The following COL6A2 variants were observed in gnomAD, a reference collection of about 807,000 sequenced individuals.
The protein encoded by COL6A2 is collagen alpha-2(VI) chain.
A neutral mutation model predicts 124.9 loss-of-function variants in COL6A2; 90 were observed. That is an observed-to-expected ratio of 0.72 (90% confidence interval 0.61 to 0.86). The LOEUF is 0.86. Ranked by LOEUF, COL6A2 falls within the 40% of genes least tolerant of loss-of-function variation. The pLI, the probability that COL6A2 is intolerant of heterozygous loss-of-function variation, is 0.00. For synonymous variants in COL6A2, 793 were observed against 618.2 expected, an observed-to-expected ratio of 1.28 and a Z score of -4.19; for missense variants, 1,607 against 1,502.5, an observed-to-expected ratio of 1.07 and a Z score of -1.15.
chr21:46,100,090 GT>G (rs2123587987), intron 1 of COL6A2, among the ~76,000 whole-genome samples: 1 of 151,456 alleles, frequency 6.6e-6, no homozygotes, highest in African/African-American at 2.4e-5. Context: ...GGTTTTTTTG[GT>G]TTTTTGTTTG....
chr21:46,122,654 C>T, intron 20 of COL6A2, 123 bp downstream of exon 20: 2 of 1,186,100 alleles, frequency 1.7e-6, no homozygotes, highest in Non-Finnish European at 2.5e-6. Flanking sequence ...TCCTGGCTCC[C>T]CAAGGCCCAG....
chr21:46,122,055 C>G, intron 18 of COL6A2, 53 bp from the exon 19 acceptor site: 1 of 1,593,208 alleles, frequency 6.3e-7, no homozygotes, highest in East Asian at 2.2e-5. Flanking sequence ...GCACAGCCCC[C>G]CAGCCCCACC....
chr21:46,122,931 A>G lies in COL6A2; in HGVS notation c.1665A>G (p.Gly555=). The G allele has an allele frequency of 6.2e-7, 1 of 1,613,170 alleles. No homozygotes were observed. The highest frequency in any genetic ancestry group is 8.5e-7 in the Non-Finnish European group (1 of 1,179,894). ...KGEPGRKGEK[G]EPADPGPPGE... ...AACCTGGGAGGAAAGGAGAGAAAGG[A>G]GAGCCTGTGAGTGTCACCGTCCCGA... The change falls in exon 21 of 28, where the codon GGA becomes GGG. Residue 555 remains glycine (G), a synonymous_variant. Transcript: ENST00000300527.
chr21:46,110,772 C>T lies in COL6A2; in HGVS notation c.-27-678C>T, dbSNP rs36192195. On this transcript the variant is annotated intron_variant, in intron 1 of 27. Transcript: ENST00000300527. ...CTGCTGCCAGCCCCACTCTGCGGAG[C>T]CAGCAGCACAGTGAGGCCCGTCCTG... is the stretch of plus-strand genomic sequence containing the variant. Among the ~76,000 whole-genome samples the T allele has an allele frequency of 5.2e-3, 240 of 46,108 alleles. 1 individual carries two copies. Among genetic ancestry groups the T allele is most frequent in the African/African-American group, 0.011 (207 of 19,022 alleles). 30.2% of individuals were successfully genotyped at this position (46,108 alleles called of 152,430 possible). A position where few individuals can be genotyped will look rare whatever the true frequency, so the allele number is the denominator to read the frequency against.
intron 27 of COL6A2, among the ~76,000 whole-genome samples, chr21:46,128,661 A>G (rs1352640846): frequency 1.3e-5 from 2 of 152,266 alleles, no homozygotes; most frequent in African/African-American, 2.4e-5. Context: ...AGAGCTGCAT[A>G]GGGGCCACAG....
intron 20 of COL6A2, 140 bp downstream of exon 20, chr21:46,122,671 C>A: frequency 3.7e-6 from 4 of 1,074,004 alleles, no homozygotes; most frequent in Non-Finnish European, 5.6e-6. Flanking sequence ...CCAGCCATGT[C>A]ACCTATGCTG....
At chr21:46,103,549 G>A (rs1162739462) in intron 1 of COL6A2, among the ~76,000 whole-genome samples, 1 of 152,096 alleles carries the variant, frequency 6.6e-6, no homozygotes, top group Admixed American at 6.6e-5. Context: ...ATAGCCATCA[G>A]TTTCCCCCTT....
intron 27 of COL6A2, chr21:46,129,202 C>T (rs371996535): frequency 1.7e-5 from 27 of 1,612,770 alleles, no homozygotes; most frequent in Middle Eastern, 1.6e-4. Flanking sequence ...GCAGATGCAC[C>T]GTGGCCTGGC....
intron 1 of COL6A2, among the ~76,000 whole-genome samples, chr21:46,100,083 T>G (rs2078273029): frequency 6.6e-6 from 1 of 151,662 alleles, no homozygotes; most frequent in African/African-American, 2.4e-5. Context: ...CTTTTTGGGT[T>G]TTTTTGGTTT....
chr21:46,122,422 A>G, intron 19 of COL6A2, 74 bp from the exon 20 acceptor site: 1 of 1,591,604 alleles, frequency 6.3e-7, no homozygotes, highest in Non-Finnish European at 8.6e-7. Context: ...ACGGGGCTGC[A>G]GAAAGCTGCC....
chr21:46,132,811 C>CTG lies in COL6A2; in HGVS notation c.*260_*261dup. ...TCCTGACCTACCTGGCCCCTGAGCTCTGGAGCAAGCCCTGACCCAATAAAG... is the reference window on the plus strand; with the variant it reads ...TCCTGACCTACCTGGCCCCTGAGCTCTGTGGAGCAAGCCCTGACCCAATAAAG... On this transcript the variant is annotated 3_prime_UTR_variant, in exon 28 of 28. Coordinates refer to ENST00000300527, the MANE Select transcript of COL6A2 (RefSeq NM_001849.4). 1.8e-6 allele frequency: 1 copy of CTG among 570,036 alleles called. No individual in the cohort carries two copies. Among genetic ancestry groups the CTG allele is most frequent in the Non-Finnish European group, 3.2e-6 (1 of 317,148 alleles). 35.3% of individuals were successfully genotyped at this position (570,036 alleles called of 1,614,324 possible).
chr21:46,125,593 G>A lies in COL6A2; in HGVS notation c.1945G>A (p.Ala649Thr), dbSNP rs142002945. The stretch of plus-strand genomic sequence containing the variant: ...CGTGGTCAACAGGCTGGGTGCCATC[G>A]CTAAGGACCCCAAGTCCGAGACAGG... Reference protein sequence around the residue: ...INVVNRLGAIAKDPKSETGTR... With the variant: ...INVVNRLGAITKDPKSETGTR... Residue 649 changes from alanine (A) to threonine (T), a missense_variant, in exon 25 of 28, where the codon GCT becomes ACT. Coordinates refer to ENST00000300527, the MANE Select transcript of COL6A2 (RefSeq NM_001849.4). 551 of 1,612,730 alleles carry A rather than the reference G, an allele frequency of 3.4e-4. 1 individual carries two copies. The South Asian group carries it at 5.1e-3, about 15-fold the overall frequency.
intron 1 of COL6A2, among the ~76,000 whole-genome samples, chr21:46,108,124 T>TA (rs990679130): frequency 6.6e-6 from 1 of 151,754 alleles, no homozygotes; most frequent in African/African-American, 2.4e-5. Flanking sequence ...TTCTCTTTTT[T>TA]AAAAAAACTT....
Position 46,125,858 on chromosome 21 carries a change from C to G in COL6A2, c.2043C>G (p.Ile681Met), listed in dbSNP as rs373514837. Residue 681 changes from isoleucine (I) to methionine (M), a missense_variant, in exon 26 of 28, where the codon ATC (isoleucine) becomes ATG (methionine). Around this residue, in one of 3 missense-constraint regions of COL6A2, gnomAD observed 1,223 missense variants for 1,052.2 expected, o/e 1.16. Coordinates refer to ENST00000300527, the MANE Select transcript of COL6A2 (RefSeq NM_001849.4). ...CCATCCAGCTGGACGACGAACGTAT[C>G]GACTCCCTGTCGAGCTTCAAGGAGG... Reference protein sequence around the residue: ...FEAIQLDDERIDSLSSFKEAV... With the variant: ...FEAIQLDDERMDSLSSFKEAV... The G allele has an allele frequency of 6.2e-7, 1 of 1,612,958 alleles. No homozygotes were observed. Among genetic ancestry groups the G allele is most frequent in the Non-Finnish European group, 8.5e-7 (1 of 1,179,952 alleles).
intron 27 of COL6A2, chr21:46,128,838 G>A: frequency 7.3e-7 from 1 of 1,371,654 alleles, no homozygotes; most frequent in Non-Finnish European, 1.0e-6. Context: ...GGTGGCTGGG[G>A]TCTTCCTGGC....
intron 1 of COL6A2, among the ~76,000 whole-genome samples, chr21:46,104,178 A>C (rs2078314521): frequency 6.6e-6 from 1 of 152,180 alleles, no homozygotes; most frequent in African/African-American, 2.4e-5. Context: ...AAGGAAAAAA[A>C]AACAACAGAA....
At chr21:46,130,339 G>GGGGAGCGGCAGGGATCACCATCCAAA in intron 27 of COL6A2, among the ~76,000 whole-genome samples, 1 of 152,176 alleles carries the variant, frequency 6.6e-6, no homozygotes. Flanking sequence ...CCACAATGTT[G>GGGGAGCGGCAGGGATCACCATCCAAA]GGGAGCGGCA....
chr21:46,124,452 CGGT>C (rs909565684), intron 21 of COL6A2, among the ~76,000 whole-genome samples, 196 bp from the exon 22 acceptor site: 8 of 152,212 alleles, frequency 5.3e-5, no homozygotes, highest in African/African-American at 7.2e-5. Context: ...CAGGCTCTGA[CGGT>C]GGCCACTCAT....
At chr21:46,119,538 G>A (rs1051078019) in intron 14 of COL6A2, among the ~76,000 whole-genome samples, 4 of 152,180 alleles carry the variant, frequency 2.6e-5, no homozygotes, top group Non-Finnish European at 5.9e-5. Flanking sequence ...ACTCCACCTG[G>A]AGCCTCCCCA....
Sources: allele counts gnomAD v4.1 joint callset (sites outside exome capture counted in the v4.1 genomes callset), GRCh38; gene constraint gnomAD v4.1.1; regional missense constraint gnomAD v4.1.1; transcripts MANE v1.5; gene names NCBI Gene and HGNC (gene_info 2026-07-23, HGNC 2026-07-21).